KCNJ6: variants seen among roughly 807,000 people sequenced by gnomAD.
KCNJ6 encodes the protein G protein-activated inward rectifier potassium channel 2.
A neutral mutation model predicts 34.2 loss-of-function variants in KCNJ6; 9 were observed. That is an observed-to-expected ratio of 0.26 (90% CI 0.16 to 0.46). KCNJ6 has a LOEUF of 0.46. Among genes scored for constraint, KCNJ6 ranks in the 20% least tolerant of loss-of-function variants. The pLI is 1.00. For synonymous variants in KCNJ6, 196 were observed against 207.1 expected (o/e 0.95, Z 0.46); for missense variants, 236 against 531.3 (o/e 0.44, Z 5.46).
chr21:37,634,976 C>G (rs1369361863), intron 3 of KCNJ6, among the ~76,000 whole-genome samples: 6 of 151,816 alleles, frequency 4.0e-5, no homozygotes, highest in Admixed American at 3.9e-4. Context: ...AGGCTGGTCT[C>G]GAACTCCTGG....
At chr21:37,626,714 C>G (rs1377913120) in intron 3 of KCNJ6, among the ~76,000 whole-genome samples, 8 of 152,120 alleles carry the variant, frequency 5.3e-5, no homozygotes, top group Admixed American at 5.2e-4. Flanking sequence ...AGTCATTAAT[C>G]CAGGGCTGAC....
intron 1 of KCNJ6, among the ~76,000 whole-genome samples, chr21:37,883,600 G>A (rs1281058391): frequency 6.6e-6 from 1 of 152,144 alleles, no homozygotes; most frequent in East Asian, 1.9e-4. Context: ...CTGGGGGAAG[G>A]CTTATGTAAA....
chr21:37,882,285 T>C (rs2055713057), intron 1 of KCNJ6, among the ~76,000 whole-genome samples: 1 of 152,182 alleles, frequency 6.6e-6, no homozygotes, highest in Non-Finnish European at 1.5e-5. Flanking sequence ...ATACAATCAA[T>C]ATGTGTGCTC....
At chr21:37,882,278 CA>C (rs2055713005) in intron 1 of KCNJ6, among the ~76,000 whole-genome samples, 1 of 152,152 alleles carries the variant, frequency 6.6e-6, no homozygotes. Context: ...GCTGGGTATA[CA>C]ATCAATATGT....
intron 1 of KCNJ6, among the ~76,000 whole-genome samples, chr21:37,892,859 T>G (rs551094437): frequency 2.6e-5 from 4 of 151,454 alleles, no homozygotes; most frequent in East Asian, 3.9e-4. Flanking sequence ...TCATAGTTTT[T>G]TTTTTTTTTT....
At chr21:37,646,094 CAG>C (rs1214828514) in intron 3 of KCNJ6, among the ~76,000 whole-genome samples, 1 of 152,136 alleles carries the variant, frequency 6.6e-6, no homozygotes, top group Non-Finnish European at 1.5e-5. Flanking sequence ...ATTTAGAAGT[CAG>C]AGAGTCTCCT....
intron 3 of KCNJ6, among the ~76,000 whole-genome samples, chr21:37,655,292 C>T (rs574009556): frequency 1.5e-5 from 2 of 137,754 alleles, no homozygotes; most frequent in Non-Finnish European, 3.1e-5. Flanking sequence ...AGAGTGTAAC[C>T]ATGAAGAGGT....
At chr21:37,727,433 G>C (rs1024254896) in intron 2 of KCNJ6, among the ~76,000 whole-genome samples, 41 of 147,366 alleles carry the variant, frequency 2.8e-4, no homozygotes, top group African/African-American at 1.0e-3. Context: ...AGAGCTGGAG[G>C]GGAGCTGAAT....
chr21:37,742,757 T>C (rs1260636051), intron 2 of KCNJ6, among the ~76,000 whole-genome samples: 1 of 152,202 alleles, frequency 6.6e-6, no homozygotes, highest in Non-Finnish European at 1.5e-5. Context: ...TTGGGCTCTC[T>C]CTAATTCAGA....
chr21:37,779,003 G>T (rs1380777361), intron 2 of KCNJ6, among the ~76,000 whole-genome samples: 2 of 152,010 alleles, frequency 1.3e-5, no homozygotes, highest in Non-Finnish European at 2.9e-5. Context: ...CAGACCAAGT[G>T]CACATCTATT....
chr21:37,773,024 T>C (rs1304630569), intron 2 of KCNJ6, among the ~76,000 whole-genome samples: 1 of 152,190 alleles, frequency 6.6e-6, no homozygotes, highest in Non-Finnish European at 1.5e-5. Context: ...TTTTTCTACT[T>C]CTCTAACACG....
intron 3 of KCNJ6, among the ~76,000 whole-genome samples, chr21:37,679,275 T>G (rs993102979): frequency 1.3e-5 from 2 of 152,226 alleles, no homozygotes; most frequent in Non-Finnish European, 2.9e-5. Context: ...CTACAGAAGC[T>G]GTGAGACAAT....
chr21:37,880,423 C>T (rs1200659031), intron 1 of KCNJ6, among the ~76,000 whole-genome samples: 4 of 152,234 alleles, frequency 2.6e-5, no homozygotes, highest in Non-Finnish European at 5.9e-5. Flanking sequence ...ATGGGCCATG[C>T]CAGGGCTATG....
At chr21:37,839,626 C>T (rs1425856359) in intron 2 of KCNJ6, among the ~76,000 whole-genome samples, 2 of 152,084 alleles carry the variant, frequency 1.3e-5, no homozygotes, top group African/African-American at 4.8e-5. Flanking sequence ...GTTCGTAAGC[C>T]TCCATTGTAA....
At chr21:37,686,857 AG>A (rs2054618084) in intron 3 of KCNJ6, among the ~76,000 whole-genome samples, 1 of 150,546 alleles carries the variant, frequency 6.6e-6, no homozygotes, top group African/African-American at 2.4e-5. Flanking sequence ...AGCAGGTGTC[AG>A]GATGTAGGCT....
intron 3 of KCNJ6, among the ~76,000 whole-genome samples, chr21:37,676,224 A>C (rs1350260989): frequency 6.6e-6 from 1 of 152,198 alleles, no homozygotes; most frequent in African/African-American, 2.4e-5. Context: ...CCTTTGGGTC[A>C]GCGGTGGAGA....
In KCNJ6 at chr21:37,620,470, T is replaced by A. The variant is rs182295752; in HGVS notation, c.*4689A>T. Reference sequence around the variant, plus strand: ...CAAAATATTCTTCTTTTCTTTTTTTTCCCCCAATTATTAAAAAATGTAAAA... The same window carrying A: ...CAAAATATTCTTCTTTTCTTTTTTTACCCCCAATTATTAAAAAATGTAAAA... On this transcript the variant is annotated 3_prime_UTR_variant, in exon 4 of 4. Transcript: ENST00000609713. 17 of 152,126 alleles carry A rather than the reference T, an allele frequency of 1.1e-4. No homozygotes were observed. The highest frequency in any genetic ancestry group is 1.6e-4 in the Non-Finnish European group (11 of 68,028). 9.4% of individuals were successfully genotyped at this position (152,126 alleles called of 1,614,324 possible).
rs2055300194 is a variant in KCNJ6 at position 37,807,637 on chromosome 21, G to A, written c.25+33021C>T. Among the ~76,000 whole-genome samples the A allele has an allele frequency of 2.0e-5, 3 of 152,208 alleles. No homozygotes were observed. In the East Asian group the frequency reaches 5.8e-4, roughly 29 times the overall value. ...GCAGTAACATGCTACACAGGCTTGT[G>A]GCCTAGGAGCAACAGGCTGGACCAT... On this transcript the variant is annotated intron_variant, in intron 2 of 3. Transcript: ENST00000609713.
intron 1 of KCNJ6, among the ~76,000 whole-genome samples, chr21:37,882,899 G>C (rs2055716687): frequency 6.6e-6 from 1 of 152,250 alleles, no homozygotes; most frequent in Non-Finnish European, 1.5e-5. Context: ...GTGTGTGCGT[G>C]AGTGTGTTGT....
Sources: allele counts gnomAD v4.1 joint callset (sites outside exome capture counted in the v4.1 genomes callset), GRCh38; gene constraint gnomAD v4.1.1; transcripts MANE v1.5; gene names NCBI Gene and HGNC (gene_info 2026-07-23, HGNC 2026-07-21).